The following ARHGAP10 variants were observed in gnomAD, a reference collection of about 807,000 sequenced individuals.
ARHGAP10 encodes rho GTPase-activating protein 10.
In ARHGAP10, 87 loss-of-function variants were observed where a neutral mutation model predicts 108.6. The ratio of observed to expected loss-of-function variants is 0.80; its 90% CI spans 0.67 to 0.96. The LOEUF (loss-of-function observed/expected upper bound fraction) is 0.96. ARHGAP10 is among the 40% of genes least tolerant of loss of function. The probability of loss-of-function intolerance (pLI) is 0.00; values close to 1 mark genes in which losing one functional copy is unlikely to be tolerated. For missense variants in ARHGAP10, 939 were observed against 954.5 expected (o/e 0.98, Z 0.21); for synonymous variants, 347 against 341.1 (o/e 1.02, Z -0.19).
intron 1 of ARHGAP10, among the ~76,000 whole-genome samples, chr4:147,818,380 A>G (rs904093605): frequency 3.3e-5 from 5 of 151,856 alleles, no homozygotes; most frequent in African/African-American, 1.2e-4. Context: ...AGCCTGACCA[A>G]CATGGAGAAA....
chr4:147,907,852 A>G (rs1736566000), intron 11 of ARHGAP10, among the ~76,000 whole-genome samples: 1 of 152,176 alleles, frequency 6.6e-6, no homozygotes, highest in South Asian at 2.1e-4. Context: ...TTTTACTTCT[A>G]TTGATTGATC....
chr4:147,748,706 C>T (rs1363399053), intron 1 of ARHGAP10, among the ~76,000 whole-genome samples: 1 of 152,124 alleles, frequency 6.6e-6, no homozygotes, highest in African/African-American at 2.4e-5. Flanking sequence ...CACTGTGGCT[C>T]AGGCCTGTAA....
At chr4:147,842,424 T>TA (rs2126811825) in intron 3 of ARHGAP10, among the ~76,000 whole-genome samples, 1 of 152,308 alleles carries the variant, frequency 6.6e-6, no homozygotes, top group South Asian at 2.1e-4. Context: ...GTTCTTATTT[T>TA]AAAATGCCTT....
At chr4:147,823,544 G>C (rs1275468607) in intron 3 of ARHGAP10, among the ~76,000 whole-genome samples, 1 of 152,082 alleles carries the variant, frequency 6.6e-6, no homozygotes, top group Non-Finnish European at 1.5e-5. Context: ...GATTGCACAA[G>C]CTCAGGAGTT....
At chr4:147,776,336 C>G (rs565283741) in intron 1 of ARHGAP10, among the ~76,000 whole-genome samples, 96 of 152,262 alleles carry the variant, frequency 6.3e-4, no homozygotes, top group African/African-American at 2.2e-3. Flanking sequence ...TCTCCTGCCT[C>G]AGACTCCTGA....
chr4:148,052,156 T>G (rs1475723510), intron 20 of ARHGAP10, among the ~76,000 whole-genome samples: 6 of 152,228 alleles, frequency 3.9e-5, no homozygotes, highest in African/African-American at 1.2e-4. Context: ...GTCTGGTGCC[T>G]ACTGAGAAAT....
chr4:147,882,548 G>A (rs1735368349), intron 10 of ARHGAP10, among the ~76,000 whole-genome samples: 1 of 152,054 alleles, frequency 6.6e-6, no homozygotes, highest in Non-Finnish European at 1.5e-5. Context: ...GAGAGGAACT[G>A]GGTGACAAAG....
chr4:147,941,086 T>C (rs1347458579), intron 14 of ARHGAP10, among the ~76,000 whole-genome samples: 1 of 152,242 alleles, frequency 6.6e-6, no homozygotes, highest in Non-Finnish European at 1.5e-5. Context: ...GAGTACAGCA[T>C]CTGCTTTTAC....
At position 147,875,134 on chromosome 4, in the gene ARHGAP10, G is replaced by A. The variant is rs770683315; in HGVS notation, c.816G>A (p.Leu272=). 11 of 1,581,266 alleles carry A rather than the reference G, an allele frequency of 7.0e-6. No individual in the cohort carries two copies. Among genetic ancestry groups the A allele is most frequent in the South Asian group, 1.2e-5 (1 of 84,828 alleles). ...GTCAGTTTACAGCCGAAGGCTACCT[G>A]TATGTCCAGGAAAAAAGTAAGAGGC... ...RASQFTAEGY[L]YVQEKRPAPF... Residue 272 remains leucine, a synonymous_variant, in exon 8 of 23, where the codon CTG becomes CTA. Coordinates refer to ENST00000336498, the MANE Select transcript of ARHGAP10 (RefSeq NM_024605.4).
chr4:147,748,920 C>A (rs1412783347), intron 1 of ARHGAP10, among the ~76,000 whole-genome samples: 1 of 152,086 alleles, frequency 6.6e-6, no homozygotes, highest in African/African-American at 2.4e-5. Flanking sequence ...GATCATGCCA[C>A]TGTATTCCAG....
chr4:147,973,759 T>C (rs1052016523), intron 18 of ARHGAP10, among the ~76,000 whole-genome samples: 7 of 152,204 alleles, frequency 4.6e-5, no homozygotes, highest in Non-Finnish European at 7.3e-5. Flanking sequence ...TTCAGTTTTT[T>C]GCTCCCACAA....
At chr4:147,787,352 C>T (rs1256005280) in intron 1 of ARHGAP10, among the ~76,000 whole-genome samples, 1 of 151,988 alleles carries the variant, frequency 6.6e-6, no homozygotes, top group Non-Finnish European at 1.5e-5. Context: ...GGAGTATTTT[C>T]AGTTTAGGAA....
chr4:147,968,291 A>G (rs571946894), intron 18 of ARHGAP10, among the ~76,000 whole-genome samples: 28 of 152,358 alleles, frequency 1.8e-4, no homozygotes, highest in South Asian at 8.3e-4. Context: ...GCTTCCACTT[A>G]TTAAGAAAAA....
At chr4:147,887,719 G>A (rs1011523332) in intron 10 of ARHGAP10, among the ~76,000 whole-genome samples, 17 of 152,038 alleles carry the variant, frequency 1.1e-4, no homozygotes, top group South Asian at 2.1e-4. Context: ...AAAATTAGCC[G>A]GGTGTGGTGG....
intron 1 of ARHGAP10, among the ~76,000 whole-genome samples, chr4:147,805,283 G>A (rs551249045): frequency 6.6e-6 from 1 of 152,298 alleles, no homozygotes; most frequent in South Asian, 2.1e-4. Flanking sequence ...TCAGATGGTT[G>A]TAGGTGTGAG....
chr4:147,931,443 TTTTAAC>T (rs1171569978), intron 13 of ARHGAP10, among the ~76,000 whole-genome samples: 3 of 152,204 alleles, frequency 2.0e-5, no homozygotes, highest in African/African-American at 4.8e-5. Context: ...AATTTGGATA[TTTTAAC>T]TTTAATTTTT....
intron 13 of ARHGAP10, among the ~76,000 whole-genome samples, chr4:147,922,120 G>A (rs1158260157): frequency 1.3e-5 from 2 of 152,110 alleles, no homozygotes; most frequent in Non-Finnish European, 2.9e-5. Flanking sequence ...GGTGTCAGAA[G>A]GAAGGAATTT....
chr4:147,928,921 C>T (rs1204168429), intron 13 of ARHGAP10, among the ~76,000 whole-genome samples: 3 of 152,148 alleles, frequency 2.0e-5, no homozygotes, highest in Non-Finnish European at 4.4e-5. Context: ...ACCCAGTTCC[C>T]ATCATTAACC....
intron 10 of ARHGAP10, among the ~76,000 whole-genome samples, chr4:147,897,253 A>G (rs978447043): frequency 2.0e-5 from 3 of 151,150 alleles, no homozygotes; most frequent in Non-Finnish European, 4.4e-5. Flanking sequence ...ATATATAATA[A>G]TTATTATTTT....
Sources: allele counts gnomAD v4.1 joint callset (sites outside exome capture counted in the v4.1 genomes callset), GRCh38; gene constraint gnomAD v4.1.1; transcripts MANE v1.5; gene names NCBI Gene and HGNC (gene_info 2026-07-23, HGNC 2026-07-21).